SRFBP1: variants seen among roughly 807,000 people sequenced by gnomAD.
SRFBP1 encodes the protein serum response factor binding protein 1.
A neutral mutation model predicts 45.5 loss-of-function variants in SRFBP1; 47 were observed. The ratio of observed to expected loss-of-function variants is 1.03; its 90% CI spans 0.82 to 1.32. The LOEUF is 1.32. Ranked by LOEUF, SRFBP1 falls within the 40% of genes most tolerant of loss-of-function variation. SRFBP1 has a pLI of 0.00. For missense variants in SRFBP1, 621 were observed against 484.6 expected (o/e 1.28, Z -2.64); for synonymous variants, 203 against 166.3 (o/e 1.22, Z -1.70).
At chr5:122,048,788 C>T (rs1753913032) in intron 2 of SRFBP1, among the ~76,000 whole-genome samples, 1 of 152,052 alleles carries the variant, frequency 6.6e-6, no homozygotes, top group South Asian at 2.1e-4. Context: ...GTATATGTGT[C>T]CAGGAATTTA....
At chr5:121,994,838 A>T (rs1752687649) in intron 4 of SRFBP1, among the ~76,000 whole-genome samples, 168 bp downstream of exon 4, 1 of 152,080 alleles carries the variant, frequency 6.6e-6, no homozygotes, top group Non-Finnish European at 1.5e-5. Flanking sequence ...ACTAACATAT[A>T]CATTTTGTTT....
chr5:121,996,739 C>T (rs1752735008), intron 4 of SRFBP1, among the ~76,000 whole-genome samples: 1 of 75,308 alleles, frequency 1.3e-5, no homozygotes, highest in Non-Finnish European at 2.3e-5. Context: ...TGTTTGCAGA[C>T]GACATGATTG....
chr5:121,990,191 T>A (rs1382778994), intron 3 of SRFBP1, among the ~76,000 whole-genome samples: 3 of 151,994 alleles, frequency 2.0e-5, no homozygotes, highest in Non-Finnish European at 2.9e-5. Flanking sequence ...CAATGGTAGA[T>A]TGAATAAAGA....
intron 4 of SRFBP1, among the ~76,000 whole-genome samples, chr5:122,004,497 C>T (rs546018598): frequency 6.6e-6 from 1 of 152,166 alleles, no homozygotes; most frequent in South Asian, 2.1e-4. Flanking sequence ...ATTAGTGTTT[C>T]TATGGTCATC....
intron 7 of SRFBP1, among the ~76,000 whole-genome samples, 188 bp from the exon 8 acceptor site, chr5:122,026,754 T>C (rs1157881543): frequency 2.0e-5 from 3 of 152,188 alleles, no homozygotes; most frequent in African/African-American, 7.2e-5. Flanking sequence ...TGTGTCAAAA[T>C]TGACTACTTG....
intron 3 of SRFBP1, among the ~76,000 whole-genome samples, chr5:121,991,287 T>C (rs1191820679): frequency 6.6e-6 from 1 of 150,952 alleles, no homozygotes; most frequent in African/African-American, 2.5e-5. Context: ...AATTATAATG[T>C]ATTATTGACA....
chr5:122,020,866 C>T (rs990085699), intron 6 of SRFBP1, 64 bp downstream of exon 6: 1 of 1,351,410 alleles, frequency 7.4e-7, no homozygotes, highest in East Asian at 2.5e-5. Flanking sequence ...TAAATGTCTA[C>T]TTGTCCATAC....
At chr5:122,005,281 C>G (rs1347073552) in intron 4 of SRFBP1, among the ~76,000 whole-genome samples, 1 of 152,130 alleles carries the variant, frequency 6.6e-6, no homozygotes, top group African/African-American at 2.4e-5. Context: ...CAATCTGTCT[C>G]TTCCTTCAGC....
chr5:122,039,249 G>GT (rs1165568212), intron 2 of SRFBP1, among the ~76,000 whole-genome samples: 3 of 152,272 alleles, frequency 2.0e-5, no homozygotes, highest in Admixed American at 2.0e-4. Context: ...TGTACCTGGT[G>GT]TTTAAGAAGG....
chr5:122,047,031 G>A (rs1270586230), intron 2 of SRFBP1, among the ~76,000 whole-genome samples: 3 of 152,168 alleles, frequency 2.0e-5, no homozygotes, highest in Admixed American at 1.3e-4. Context: ...CTTTTGCTGT[G>A]CAGAAGCTCT....
intron 1 of SRFBP1, among the ~76,000 whole-genome samples, chr5:121,964,293 C>G (rs1174158339): frequency 6.6e-6 from 1 of 151,982 alleles, no homozygotes; most frequent in African/African-American, 2.4e-5. Context: ...TTTACTGCAC[C>G]CATTAACCTG....
At chr5:122,056,945 T>C (rs1056837669) in intron 2 of SRFBP1, among the ~76,000 whole-genome samples, 21 of 152,154 alleles carry the variant, frequency 1.4e-4, no homozygotes, top group South Asian at 2.1e-4. Flanking sequence ...AAGAGGACAA[T>C]TGGGACCAGA....
chr5:121,996,795 TG>T (rs1378950689), intron 4 of SRFBP1, among the ~76,000 whole-genome samples: 1 of 131,834 alleles, frequency 7.6e-6, no homozygotes, highest in African/African-American at 3.1e-5. Flanking sequence ...CTCCTTAAGC[TG>T]ATAAGCAACT....
intron 1 of SRFBP1, among the ~76,000 whole-genome samples, chr5:121,964,812 G>A (rs1057405318): frequency 5.3e-5 from 8 of 152,292 alleles, no homozygotes; most frequent in Middle Eastern, 3.4e-3. Flanking sequence ...CCCACCAACA[G>A]TGTAAAAGCA....
At chr5:121,984,191 G>A (rs149740284) in intron 3 of SRFBP1, among the ~76,000 whole-genome samples, 55 of 151,856 alleles carry the variant, frequency 3.6e-4, no homozygotes, top group Middle Eastern at 6.8e-3. Context: ...TATGCATAAG[G>A]CTTCGTGCCT....
intron 4 of SRFBP1, among the ~76,000 whole-genome samples, chr5:122,007,537 C>G (rs1753003882): frequency 6.6e-6 from 1 of 151,826 alleles, no homozygotes; most frequent in South Asian, 2.1e-4. Flanking sequence ...TGGTGCCAGC[C>G]TAGAAGCTGG....
At chr5:122,032,761 ATGT>A (rs947663279), downstream of SRFBP1, among the ~76,000 whole-genome samples, 2 of 152,292 alleles carry the variant, frequency 1.3e-5, no homozygotes, top group Middle Eastern at 3.4e-3. Flanking sequence ...TATGTATTTC[ATGT>A]TGTTGCAGGT....
At chr5:122,034,284 T>C (rs1011304539) in intron 2 of SRFBP1, among the ~76,000 whole-genome samples, 1 of 152,148 alleles carries the variant, frequency 6.6e-6, no homozygotes, top group African/African-American at 2.4e-5. Context: ...CCCTGCCAGA[T>C]TATTTTATGC....
At chr5:122,064,604 T>C (rs1754249603) in intron 2 of SRFBP1, 1 of 151,960 alleles carries the variant, frequency 6.6e-6, no homozygotes, top group Non-Finnish European at 1.5e-5. Flanking sequence ...TGAAAAACAA[T>C]AGTGCTTAAA....
Sources: gnomAD v4.1 joint callset for allele counts (sites outside exome capture counted in the v4.1 genomes callset) on GRCh38, gnomAD v4.1.1 for gene constraint, MANE v1.5 for transcripts, NCBI Gene and HGNC (gene_info 2026-07-23, HGNC 2026-07-21) for gene names.